The following SLC22A23 variants were observed in gnomAD, a reference collection of about 807,000 sequenced individuals.
The protein encoded by SLC22A23 is ion transporter protein.
In SLC22A23, 26 loss-of-function variants were observed where a neutral mutation model predicts 61.0. The observed-to-expected ratio is 0.43, with a 90% CI of 0.31 to 0.59. The LOEUF is 0.59. SLC22A23 is among the 20% of genes least tolerant of loss of function. SLC22A23 has a pLI of 0.11. For synonymous variants in SLC22A23, 430 were observed against 413.9 expected (o/e 1.04, Z -0.47); for missense variants, 796 against 934.7 (o/e 0.85, Z 1.94).
At chr6:3,438,492 C>T (rs1771370915) in intron 1 of SLC22A23, 1 of 456,578 alleles carries the variant, frequency 2.2e-6, no homozygotes, top group Admixed American at 2.3e-5. Context: ...ACGTTCAGCT[C>T]CGGCCTCCAG....
At chr6:3,341,674 G>A (rs1008442448) in intron 3 of SLC22A23, among the ~76,000 whole-genome samples, 3 of 151,808 alleles carry the variant, frequency 2.0e-5, no homozygotes, top group Admixed American at 6.6e-5. Context: ...ACGCTGGGCT[G>A]CCTTTGACAG....
intron 3 of SLC22A23, among the ~76,000 whole-genome samples, chr6:3,338,567 C>G (rs1763985462): frequency 6.6e-6 from 1 of 152,236 alleles, no homozygotes; most frequent in South Asian, 2.1e-4. Context: ...GCCTTGGCCT[C>G]CCAAAGTGCT....
chr6:3,421,181 TGAA>T (rs963591767), intron 1 of SLC22A23, among the ~76,000 whole-genome samples: 6 of 152,096 alleles, frequency 3.9e-5, no homozygotes, highest in African/African-American at 1.4e-4. Flanking sequence ...TTTCTAAAGA[TGAA>T]GGAGAAACAA....
chr6:3,315,044 A>G (rs1415575447), intron 4 of SLC22A23, among the ~76,000 whole-genome samples: 1 of 152,184 alleles, frequency 6.6e-6, no homozygotes, highest in Non-Finnish European at 1.5e-5. Flanking sequence ...CCAGCTTCAC[A>G]CATTCAGCCT....
chr6:3,411,044 G>A (rs1362763074), intron 2 of SLC22A23, among the ~76,000 whole-genome samples: 2 of 152,164 alleles, frequency 1.3e-5, no homozygotes, highest in African/African-American at 4.8e-5. Flanking sequence ...CCCTCAATTC[G>A]TGGGTTCTGG....
chr6:3,325,680 AG>A (rs1211672604), intron 3 of SLC22A23, among the ~76,000 whole-genome samples: 1 of 152,248 alleles, frequency 6.6e-6, no homozygotes, highest in Non-Finnish European at 1.5e-5. Context: ...AAAGAAAAAT[AG>A]GTCTTTTAAG....
At chr6:3,385,384 C>T (rs1767233081) in intron 3 of SLC22A23, among the ~76,000 whole-genome samples, 1 of 152,066 alleles carries the variant, frequency 6.6e-6, no homozygotes, top group African/African-American at 2.4e-5. Flanking sequence ...GGTGCGGTGG[C>T]CCATGGCTAT....
At chr6:3,426,481 C>G (rs368547633) in intron 1 of SLC22A23, among the ~76,000 whole-genome samples, 3 of 147,968 alleles carry the variant, frequency 2.0e-5, no homozygotes, top group African/African-American at 7.3e-5. Flanking sequence ...ACTCTTACAA[C>G]AGGAAGGATT....
At chr6:3,283,097 G>A (rs1027062145) in intron 9 of SLC22A23, among the ~76,000 whole-genome samples, 10 of 152,078 alleles carry the variant, frequency 6.6e-5, no homozygotes, top group Non-Finnish European at 1.5e-4. Context: ...CGCTGTGCTC[G>A]CTTTGGATTC....
chr6:3,424,252 G>C (rs1770332282), intron 1 of SLC22A23, among the ~76,000 whole-genome samples: 2 of 152,130 alleles, frequency 1.3e-5, no homozygotes, highest in Non-Finnish European at 2.9e-5. Context: ...CTTGGCCCAT[G>C]TTGCTCTTCT....
chr6:3,388,096 C>T (rs1044551620), intron 3 of SLC22A23, among the ~76,000 whole-genome samples: 17 of 152,184 alleles, frequency 1.1e-4, no homozygotes, highest in Non-Finnish European at 2.1e-4. Flanking sequence ...ATCAAAATGG[C>T]TCACTGGCCT....
intron 3 of SLC22A23, among the ~76,000 whole-genome samples, chr6:3,326,116 T>C (rs1285088494): frequency 1.3e-5 from 2 of 152,256 alleles, no homozygotes; most frequent in African/African-American, 4.8e-5. Flanking sequence ...GGTTCTAGGT[T>C]TGCGGATGAG....
rs57754893 is a variant in SLC22A23, at chr6:3,352,271, GCACA to G, written c.914-28273_914-28270del. Among the ~76,000 whole-genome samples the G allele has an allele frequency of 1.1e-3, 168 of 149,318 alleles. 1 individual carries two copies. Among genetic ancestry groups the G allele is most frequent in the Admixed American group, 2.8e-3 (42 of 15,018 alleles). ...CTCACAAACATACACACACAGACAT[GCACA>G]CACACACACACACACAGCCATAGAC... On this transcript the variant is annotated intron_variant, in intron 3 of 9. Coordinates refer to ENST00000406686, the MANE Select transcript of SLC22A23 (RefSeq NM_015482.2).
In SLC22A23 at chr6:3,456,983, G is replaced by C. The variant is rs1368042581; in HGVS notation, c.-424C>G. The stretch of plus-strand genomic sequence containing the variant: ...GGTGCGGGCAAAGGCTGCTGCTCCC[G>C]GGGTGGCCGCGCTGTATTTCTCCGA... On this transcript the variant is annotated 5_prime_UTR_variant, in exon 1 of 10. Transcript: ENST00000406686. The surrounding 1 kb of genome is among the most constrained non-coding windows in gnomAD (Gnocchi z 7.1). 1 of 151,544 alleles carries C rather than the reference G, an allele frequency of 6.6e-6. No individual in the cohort carries two copies. The highest frequency in any genetic ancestry group is 1.9e-4 in the South Asian group (1 of 5,164). The allele number at this position is 151,544 out of a possible 1,614,324, so 9.4% of individuals were successfully genotyped here.
chr6:3,269,772 A>G lies in SLC22A23; in HGVS notation c.*3283T>C, dbSNP rs1127485. ...AGACGAGAGGACAGCTGTAGTGTGG[A>G]CCTCCCCCGCACATGCGATACCTCG... On this transcript the variant is annotated 3_prime_UTR_variant, in exon 10 of 10. Coordinates refer to ENST00000406686, the MANE Select transcript of SLC22A23 (RefSeq NM_015482.2). 0.78 allele frequency: 119,832 copies of G among 152,852 alleles called. 47,727 individuals are homozygous for G. The highest frequency in any genetic ancestry group is 0.86 in the Non-Finnish European group (58,293 of 68,064). The allele number at this position is 152,852 out of a possible 1,614,324, so 9.5% of individuals were successfully genotyped here.
chr6:3,314,857 G>A (rs1762546782), intron 4 of SLC22A23, among the ~76,000 whole-genome samples: 1 of 152,088 alleles, frequency 6.6e-6, no homozygotes, highest in Non-Finnish European at 1.5e-5. Context: ...TCCGCGCTAG[G>A]GTTTACCTCC....
intron 1 of SLC22A23, among the ~76,000 whole-genome samples, chr6:3,424,608 G>A (rs568559229): frequency 1.3e-5 from 2 of 152,260 alleles, no homozygotes; most frequent in East Asian, 1.9e-4. Context: ...GATAAAACAC[G>A]TAGACTGTTC....
intron 3 of SLC22A23, among the ~76,000 whole-genome samples, chr6:3,351,221 C>T (rs1764748244): frequency 6.6e-6 from 1 of 152,158 alleles, no homozygotes; most frequent in Non-Finnish European, 1.5e-5. Context: ...TTAAAGCCCC[C>T]AGCTTTTGTG....
At chr6:3,348,845 C>A (rs1270092029) in intron 3 of SLC22A23, among the ~76,000 whole-genome samples, 1 of 152,040 alleles carries the variant, frequency 6.6e-6, no homozygotes, top group Non-Finnish European at 1.5e-5. Flanking sequence ...CGGACCGGGT[C>A]CCCATGACCC....
Sources: gnomAD v4.1 joint callset for allele counts (sites outside exome capture counted in the v4.1 genomes callset) on GRCh38, gnomAD v4.1.1 for gene constraint, Gnocchi (gnomAD v3.1) non-coding constraint, MANE v1.5 for transcripts, NCBI Gene and HGNC (gene_info 2026-07-23, HGNC 2026-07-21) for gene names.